Variants in RPGRIP1L observed in about 807,000 individuals in gnomAD.
RPGRIP1L encodes the protein RPGRIP1 like.
Under a neutral mutation model 160.4 loss-of-function variants are expected in RPGRIP1L, and 131 were observed. The observed-to-expected ratio is 0.82, with a 90% CI of 0.71 to 0.94. RPGRIP1L has a LOEUF of 0.94. Among genes scored for constraint, RPGRIP1L ranks in the 40% least tolerant of loss-of-function variants. RPGRIP1L has a pLI of 0.00. For missense variants in RPGRIP1L, 1,522 were observed against 1,535.8 expected, an observed-to-expected ratio of 0.99 and a Z score of 0.15; for synonymous variants, 510 against 515.8, an observed-to-expected ratio of 0.99 and a Z score of 0.15.
chr16:53,699,847 T>C (rs959517724), intron 2 of RPGRIP1L, among the ~76,000 whole-genome samples: 1 of 150,810 alleles, frequency 6.6e-6, no homozygotes, highest in Non-Finnish European at 1.5e-5. Context: ...AAAATTTCTG[T>C]GTAGCCAAAT....
At chr16:53,667,879 A>T (rs1384559407) in intron 9 of RPGRIP1L, among the ~76,000 whole-genome samples, 1 of 151,970 alleles carries the variant, frequency 6.6e-6, no homozygotes, top group Non-Finnish European at 1.5e-5. Context: ...TCTCAAAAAA[A>T]AAATTAAAAA....
chr16:53,687,380 T>G (rs1401601800), intron 5 of RPGRIP1L, among the ~76,000 whole-genome samples: 1 of 152,142 alleles, frequency 6.6e-6, no homozygotes, highest in Admixed American at 6.6e-5. Context: ...GTAACTTTTT[T>G]GAAACCATAT....
At position 53,622,358 on chromosome 16, in the gene RPGRIP1L, T is replaced by C. The variant is rs1258182460; in HGVS notation, c.3295-2A>G. On this transcript the variant is annotated splice_acceptor_variant, in intron 22 of 26. Transcript: ENST00000647211. LOFTEE classifies it high-confidence loss of function. The stretch of plus-strand genomic sequence containing the variant: ...CAGCCCGGGAGACAATGCGAGACTC[T>C]GTCTCAAAAAAAAAAAAAAAATCTT... The C allele has an allele frequency of 1.4e-5, 8 of 584,550 alleles. No individual in the cohort carries two copies. The highest frequency in any genetic ancestry group is 3.0e-5 in the East Asian group (1 of 33,614). 36.2% of individuals were successfully genotyped at this position (584,550 alleles called of 1,614,324 possible). A position where few individuals can be genotyped will look rare whatever the true frequency, so the allele number is the denominator to read the frequency against.
chr16:53,657,565 T>A lies in RPGRIP1L; in HGVS notation c.1469A>T (p.Asp490Val), dbSNP rs1352619685. The change falls in exon 13 of 27, where the codon GAT becomes GTT. Residue 490 changes from aspartate (D) to valine (V), a missense_variant. Coordinates refer to ENST00000647211, the MANE Select transcript of RPGRIP1L (RefSeq NM_015272.5). ...LVKVDSEINK[D>V]LERSMRELQA... is the part of the protein sequence containing the mutation. ...CAGCTCTCTCATAGAGCGTTCTAGATCTTTATTAATTTCACTATCTACTTT... is the reference window on the plus strand; with the variant it reads ...CAGCTCTCTCATAGAGCGTTCTAGAACTTTATTAATTTCACTATCTACTTT... 1 of 1,604,062 alleles carries A rather than the reference T, an allele frequency of 6.2e-7. No homozygotes were observed. Among genetic ancestry groups the A allele is most frequent in the East Asian group, 2.2e-5 (1 of 44,716 alleles).
intron 24 of RPGRIP1L, among the ~76,000 whole-genome samples, chr16:53,611,795 C>T (rs936079779): frequency 1.3e-5 from 2 of 152,172 alleles, no homozygotes; most frequent in Non-Finnish European, 2.9e-5. Context: ...CAATTTTCAT[C>T]CTGATTATTT....
chr16:53,635,539 A>AAG (rs1311667843), intron 22 of RPGRIP1L: 3 of 152,392 alleles, frequency 2.0e-5, no homozygotes, highest in Non-Finnish European at 2.9e-5. Flanking sequence ...AGCTCACTGC[A>AAG]GCCTTGAACT....
At chr16:53,662,173 A>T (rs1400857885) in intron 10 of RPGRIP1L, among the ~76,000 whole-genome samples, 1 of 152,174 alleles carries the variant, frequency 6.6e-6, no homozygotes, top group Non-Finnish European at 1.5e-5. Context: ...GCACACCATT[A>T]ATAAGCAGAC....
chr16:53,699,015 T>C (rs1971141300), intron 2 of RPGRIP1L, among the ~76,000 whole-genome samples: 1 of 152,096 alleles, frequency 6.6e-6, no homozygotes, highest in Non-Finnish European at 1.5e-5. Flanking sequence ...GAAGTAGACA[T>C]GGGAGACTTT....
At chr16:53,631,057 C>T (rs1434708559) in intron 22 of RPGRIP1L, among the ~76,000 whole-genome samples, 1 of 152,118 alleles carries the variant, frequency 6.6e-6, no homozygotes, top group African/African-American at 2.4e-5. Flanking sequence ...TTAAAACCTA[C>T]TCTCTATCTA....
Position 53,675,265 on chromosome 16 carries a change from A to T in RPGRIP1L, c.777-143T>A, listed in dbSNP as rs1007896438. On this transcript the variant is annotated intron_variant, in intron 6 of 26. Coordinates refer to ENST00000647211, the MANE Select transcript of RPGRIP1L (RefSeq NM_015272.5). ...GTACATCAGTCAATGAGGTTTTTGG[A>T]TTATTATAAATGCAGGACAGATTAA... The T allele has an allele frequency of 4.6e-6, 3 of 650,126 alleles. No homozygotes were observed. The African/African-American group carries it at 5.5e-5, about 12-fold the overall frequency. 40.3% of individuals were successfully genotyped at this position (650,126 alleles called of 1,614,324 possible).
intron 6 of RPGRIP1L, among the ~76,000 whole-genome samples, chr16:53,681,907 A>C (rs568771884): frequency 1.3e-5 from 2 of 152,234 alleles, no homozygotes; most frequent in Non-Finnish European, 2.9e-5. Context: ...AATCTGAAAT[A>C]ATGTATCCGT....
At chr16:53,675,214 G>T (rs1969063214) in intron 6 of RPGRIP1L, 92 bp from the exon 7 acceptor site, 4 of 773,614 alleles carry the variant, frequency 5.2e-6, no homozygotes, top group Non-Finnish European at 2.2e-6. Flanking sequence ...TTCAACTAAT[G>T]TTACATAGAA....
In RPGRIP1L at chr16:53,638,978, GT is replaced by G. The variant is rs900192387; in HGVS notation, c.2959-568del. Among the ~76,000 whole-genome samples, 37 of 147,786 alleles carry G rather than the reference GT, an allele frequency of 2.5e-4. 2 individuals carry two copies. Among genetic ancestry groups the G allele is most frequent in the South Asian group, 6.4e-4 (3 of 4,676 alleles). ...GGGAACATTAACTTTTATTTTCACT[GT>G]TTTTTTTTTCTTCTTTGTATTTTCT... On this transcript the variant is annotated intron_variant, in intron 19 of 26. Coordinates refer to ENST00000647211, the MANE Select transcript of RPGRIP1L (RefSeq NM_015272.5).
rs1966489450 is a variant in RPGRIP1L at position 53,645,620 on chromosome 16, C to T, written c.2683+5G>A. 1 of 1,612,480 alleles carries T rather than the reference C, an allele frequency of 6.2e-7. No homozygotes were observed. The highest frequency in any genetic ancestry group is 8.5e-7 in the Non-Finnish European group (1 of 1,179,704). On this transcript the variant is annotated splice_donor_5th_base_variant and intron_variant, in intron 17 of 26. Coordinates refer to ENST00000647211, the MANE Select transcript of RPGRIP1L (RefSeq NM_015272.5). ...AATTTTATAGATTCAAAAACATAGG[C>T]TTACCTGAGATACACCTGTCATGTG...
At chr16:53,656,322 A>G (rs1267656433) in intron 14 of RPGRIP1L, 150 bp downstream of exon 14, 3 of 745,800 alleles carry the variant, frequency 4.0e-6, no homozygotes, top group Non-Finnish European at 7.4e-6. Context: ...GCTGGAACCC[A>G]GGAGGTCAAA....
chr16:53,654,368 A>C lies in RPGRIP1L; in HGVS notation c.1700-1381T>G, dbSNP rs970093649. ...ATGGATCTACAGTGCAGTTTCTCAA[A>C]TGTACTGCAATACGTCATATTTAGG... On this transcript the variant is annotated intron_variant, in intron 14 of 26. Transcript: ENST00000647211. Among the ~76,000 whole-genome samples the C allele has an allele frequency of 2.9e-4, 44 of 152,130 alleles. 1 individual carries two copies.
chr16:53,639,865 G>A (rs1310103272), intron 19 of RPGRIP1L, among the ~76,000 whole-genome samples: 1 of 152,072 alleles, frequency 6.6e-6, no homozygotes, highest in Non-Finnish European at 1.5e-5. Context: ...CATATTAAAT[G>A]CTCTGTATGT....
chr16:53,689,859 G>A (rs1598407085), intron 4 of RPGRIP1L, among the ~76,000 whole-genome samples: 1 of 152,180 alleles, frequency 6.6e-6, no homozygotes, highest in Non-Finnish European at 1.5e-5. Flanking sequence ...CCTGAACAGT[G>A]AGAAAGGTCT....
intron 1 of RPGRIP1L, 106 bp from the exon 2 acceptor site, chr16:53,700,836 A>C: frequency 1.2e-6 from 1 of 804,694 alleles, no homozygotes; most frequent in Non-Finnish European, 2.1e-6. Context: ...TTTAATGGGC[A>C]TCTTATTGTC....
Sources: gnomAD v4.1 joint callset for allele counts (sites outside exome capture counted in the v4.1 genomes callset) on GRCh38, gnomAD v4.1.1 for gene constraint, MANE v1.5 for transcripts, NCBI Gene and HGNC (gene_info 2026-07-23, HGNC 2026-07-21) for gene names.